The following SRGAP1 variants were observed in gnomAD, a reference collection of about 807,000 sequenced individuals.
SRGAP1 encodes SLIT-ROBO Rho GTPase-activating protein 1.
A neutral mutation model predicts 121.9 loss-of-function variants in SRGAP1; 43 were observed. The observed-to-expected ratio is 0.35, with a 90% CI of 0.28 to 0.46. The LOEUF (loss-of-function observed/expected upper bound fraction) is 0.46, where lower values mean the gene tolerates loss of function less well. Ranked by LOEUF, SRGAP1 falls within the 20% of genes least tolerant of loss-of-function variation. The probability of loss-of-function intolerance (pLI) is 1.00; values close to 1 mark genes in which losing one functional copy is unlikely to be tolerated. For missense variants in SRGAP1, 1,102 were observed against 1,350.9 expected, an observed-to-expected ratio of 0.82 and a Z score of 2.89; for synonymous variants, 447 against 485.4, an observed-to-expected ratio of 0.92 and a Z score of 1.04.
chr12:63,875,548 A>AT (rs1015852366), intron 1 of SRGAP1, among the ~76,000 whole-genome samples: 1 of 152,182 alleles, frequency 6.6e-6, no homozygotes, highest in Admixed American at 6.5e-5. Flanking sequence ...TTCTTTAAAA[A>AT]TTTTTTAAAG....
intron 3 of SRGAP1, among the ~76,000 whole-genome samples, chr12:64,006,054 C>T (rs1025808755): frequency 2.0e-5 from 3 of 152,162 alleles, no homozygotes; most frequent in African/African-American, 4.8e-5. Flanking sequence ...GGTAACTGCT[C>T]TTAGATAGAT....
chr12:63,964,542 C>T (rs934911891), intron 1 of SRGAP1, among the ~76,000 whole-genome samples: 1 of 151,976 alleles, frequency 6.6e-6, no homozygotes, highest in African/African-American at 2.4e-5. Context: ...CTCAATTGAC[C>T]CTTTCCAGTA....
intron 12 of SRGAP1, among the ~76,000 whole-genome samples, chr12:64,092,897 TTTTCA>T (rs1195034528): frequency 6.6e-6 from 1 of 152,180 alleles, no homozygotes; most frequent in Non-Finnish European, 1.5e-5. Flanking sequence ...TTTTTTCAAT[TTTTCA>T]TTAAGAGCAG....
chr12:63,938,318 G>A (rs906109522), intron 1 of SRGAP1, among the ~76,000 whole-genome samples: 5 of 152,122 alleles, frequency 3.3e-5, no homozygotes, highest in Non-Finnish European at 7.4e-5. Context: ...GGATCTTTAG[G>A]AGCCCTTGTA....
intron 3 of SRGAP1, among the ~76,000 whole-genome samples, chr12:63,997,481 T>A (rs1206325553): frequency 1.3e-5 from 2 of 152,148 alleles, no homozygotes; most frequent in African/African-American, 4.8e-5. Context: ...CAAGGAATGC[T>A]TGAAAACTTA....
chr12:63,929,577 T>TG (rs970425735), intron 1 of SRGAP1, among the ~76,000 whole-genome samples: 8 of 116,364 alleles, frequency 6.9e-5, no homozygotes, highest in African/African-American at 2.6e-4. Flanking sequence ...CCCCACGAGT[T>TG]TTTTTTTTTT....
intron 1 of SRGAP1, among the ~76,000 whole-genome samples, chr12:63,884,175 C>T (rs60352787): frequency 3.3e-5 from 5 of 151,746 alleles, no homozygotes; most frequent in Admixed American, 6.6e-5. Flanking sequence ...CCCAGCTACT[C>T]GGGAGGCTGA....
At chr12:63,927,123 C>A (rs757835749) in intron 1 of SRGAP1, among the ~76,000 whole-genome samples, 2 of 152,124 alleles carry the variant, frequency 1.3e-5, no homozygotes, top group African/African-American at 4.8e-5. Context: ...TATATACATA[C>A]GTATTTCATC....
intron 15 of SRGAP1, among the ~76,000 whole-genome samples, chr12:64,108,507 C>T (rs1366273851): frequency 6.6e-6 from 1 of 152,158 alleles, no homozygotes; most frequent in East Asian, 1.9e-4. Flanking sequence ...CTAAACCTGG[C>T]ACATTGCCTG....
chr12:63,891,004 T>G (rs545497338), intron 1 of SRGAP1, among the ~76,000 whole-genome samples: 2 of 152,222 alleles, frequency 1.3e-5, no homozygotes, highest in South Asian at 4.1e-4. Flanking sequence ...TGGCCCTGCC[T>G]AGTTCCATGT....
At chr12:64,075,563 A>C (rs1004953670) in intron 8 of SRGAP1, among the ~76,000 whole-genome samples, 1 of 152,202 alleles carries the variant, frequency 6.6e-6, no homozygotes, top group South Asian at 2.1e-4. Context: ...CCATCTTCAC[A>C]TCTGTTTGTT....
chr12:64,016,558 T>C (rs1018875130), intron 3 of SRGAP1, among the ~76,000 whole-genome samples: 1 of 152,220 alleles, frequency 6.6e-6, no homozygotes, highest in Non-Finnish European at 1.5e-5. Context: ...CAGAGGGAGT[T>C]AATTTCCCCT....
chr12:64,135,300 A>G (rs1436888584), intron 21 of SRGAP1, among the ~76,000 whole-genome samples: 1 of 152,108 alleles, frequency 6.6e-6, no homozygotes, highest in Non-Finnish European at 1.5e-5. Flanking sequence ...TGTATCTTTC[A>G]TTGCAGGTCA....
intron 15 of SRGAP1, among the ~76,000 whole-genome samples, chr12:64,104,761 C>T (rs962849500): frequency 6.6e-6 from 1 of 152,160 alleles, no homozygotes; most frequent in African/African-American, 2.4e-5. Flanking sequence ...TTTGTGTTGA[C>T]TGTAGTTAAA....
chr12:64,000,819 A>G (rs1425233192), intron 3 of SRGAP1, among the ~76,000 whole-genome samples: 1 of 152,214 alleles, frequency 6.6e-6, no homozygotes, highest in Non-Finnish European at 1.5e-5. Context: ...GGGATTCTCT[A>G]TTCCTGTTTC....
At chr12:63,948,414 C>T (rs1254107049) in intron 1 of SRGAP1, among the ~76,000 whole-genome samples, 1 of 152,208 alleles carries the variant, frequency 6.6e-6, no homozygotes, top group Non-Finnish European at 1.5e-5. Flanking sequence ...CCACAGAATA[C>T]TCTGCTCAGC....
intron 1 of SRGAP1, among the ~76,000 whole-genome samples, chr12:63,966,040 GA>G (rs371839339): frequency 3.6e-4 from 55 of 152,236 alleles, no homozygotes; most frequent in African/African-American, 1.2e-3. Context: ...GGCTGGTCTT[GA>G]ACTCCTGACC....
At position 64,126,060 on chromosome 12, in the gene SRGAP1, C is replaced by T. The variant is rs771044430; in HGVS notation, c.2308C>T (p.Leu770=). Residue 770 remains leucine (L), a synonymous_variant, in exon 19 of 22, where the codon CTG becomes TTG. Transcript: ENST00000355086. ...RELSFKKGAS[L]LLYHRASEDW... is the part of the protein sequence containing the mutation. ...ACTATCCTTCAAGAAGGGTGCCTCC[C>T]TGCTGCTGTATCACCGTGCATCTGA... 2.5e-5 allele frequency: 40 copies of T among 1,614,084 alleles called. No individual in the cohort carries two copies. The highest frequency in any genetic ancestry group is 3.4e-5 in the Non-Finnish European group (40 of 1,180,040).
At chr12:64,059,092 T>C (rs1452844193) in intron 6 of SRGAP1, among the ~76,000 whole-genome samples, 1 of 152,054 alleles carries the variant, frequency 6.6e-6, no homozygotes, top group Non-Finnish European at 1.5e-5. Context: ...GAGGCTCCTC[T>C]ATCAGTTAGT....
Sources: gnomAD v4.1 joint callset for allele counts (sites outside exome capture counted in the v4.1 genomes callset) on GRCh38, gnomAD v4.1.1 for gene constraint, MANE v1.5 for transcripts, NCBI Gene and HGNC (gene_info 2026-07-23, HGNC 2026-07-21) for gene names.